Variants in ARHGEF28 observed in about 807,000 individuals in gnomAD.
ARHGEF28 encodes the protein Rho guanine nucleotide exchange factor 28.
Under a neutral mutation model 206.6 loss-of-function variants are expected in ARHGEF28, and 152 were observed. That is an observed-to-expected ratio of 0.74 (90% confidence interval 0.64 to 0.84). The LOEUF (loss-of-function observed/expected upper bound fraction) is 0.84, where lower values mean the gene tolerates loss of function less well. Among genes scored for constraint, ARHGEF28 ranks in the 40% least tolerant of loss-of-function variants. ARHGEF28 has a pLI of 0.00. For missense variants in ARHGEF28, 2,028 were observed against 2,073.2 expected (o/e 0.98, Z 0.42); for synonymous variants, 763 against 776.4 (o/e 0.98, Z 0.29).
intron 7 of ARHGEF28, 44 bp from the exon 8 acceptor site, chr5:73,794,358 C>G (rs1334956060): frequency 6.6e-7 from 1 of 1,509,642 alleles, no homozygotes; most frequent in Non-Finnish European, 9.0e-7. Context: ...TTCTTCTTAA[C>G]AAAAGCTCCC....
intron 2 of ARHGEF28, among the ~76,000 whole-genome samples, chr5:73,746,677 T>C (rs1751737533): frequency 1.3e-5 from 2 of 152,138 alleles, no homozygotes; most frequent in South Asian, 4.1e-4. Flanking sequence ...ATGTTTTTGC[T>C]CCTAATGGAT....
intron 35 of ARHGEF28, among the ~76,000 whole-genome samples, chr5:73,922,139 C>T (rs1763553615): frequency 6.6e-6 from 1 of 152,234 alleles, no homozygotes; most frequent in African/African-American, 2.4e-5. Flanking sequence ...TTCCATTTCT[C>T]AAAGACTGTT....
chr5:73,764,251 G>A (rs536090175), intron 4 of ARHGEF28, among the ~76,000 whole-genome samples: 1 of 152,132 alleles, frequency 6.6e-6, no homozygotes, highest in African/African-American at 2.4e-5. Context: ...TGAATCCTTG[G>A]TCTCCCCATC....
At chr5:73,910,350 C>A (rs1054922283) in intron 34 of ARHGEF28, among the ~76,000 whole-genome samples, 7 of 135,514 alleles carry the variant, frequency 5.2e-5, no homozygotes, top group Non-Finnish European at 9.1e-5. Flanking sequence ...CATTGCACTC[C>A]AGCCTGGGTG....
Position 73,901,133 on chromosome 5 carries a change from C to G in ARHGEF28, c.3974-51C>G. Reference sequence around the variant, plus strand: ...TGTACAGAAGAACCCGGTGGGCTGGCCGATGTTTGACGCTGTCCTTTTTGT... The same window carrying G: ...TGTACAGAAGAACCCGGTGGGCTGGGCGATGTTTGACGCTGTCCTTTTTGT... On this transcript the variant is annotated intron_variant, in intron 30 of 35. Coordinates refer to ENST00000513042, the MANE Select transcript of ARHGEF28 (RefSeq NM_001177693.2). The G allele has an allele frequency of 5.3e-6, 8 of 1,503,684 alleles. No individual in the cohort carries two copies. The South Asian group carries it at 9.4e-5, about 18-fold the overall frequency. 93.1% of individuals were successfully genotyped at this position (1,503,684 alleles called of 1,614,324 possible).
intron 7 of ARHGEF28, among the ~76,000 whole-genome samples, chr5:73,787,718 T>C (rs557914913): frequency 1.3e-5 from 2 of 152,330 alleles, no homozygotes; most frequent in East Asian, 3.9e-4. Flanking sequence ...TCATACTCTT[T>C]TTTATGGCTG....
chr5:73,696,479 C>G (rs1748224440), intron 2 of ARHGEF28, among the ~76,000 whole-genome samples: 1 of 152,136 alleles, frequency 6.6e-6, no homozygotes, highest in African/African-American at 2.4e-5. Flanking sequence ...ATGTCACATC[C>G]TTAATATAGT....
chr5:73,696,914 T>G (rs576110824), intron 2 of ARHGEF28, among the ~76,000 whole-genome samples: 1 of 152,328 alleles, frequency 6.6e-6, no homozygotes, highest in African/African-American at 2.4e-5. Flanking sequence ...ATCACTATTT[T>G]GGGACTGGGA....
At chr5:73,868,059 G>C in intron 19 of ARHGEF28, 39 bp downstream of exon 19, 1 of 1,613,284 alleles carries the variant, frequency 6.2e-7, no homozygotes, top group Non-Finnish European at 8.5e-7. Context: ...ATGGCTCAGA[G>C]AGCTTCTGGG....
intron 4 of ARHGEF28, among the ~76,000 whole-genome samples, chr5:73,763,903 TC>T (rs2112428012): frequency 6.6e-6 from 1 of 152,342 alleles, no homozygotes; most frequent in South Asian, 2.1e-4. Context: ...GGCAGCTAGT[TC>T]CTTACAATTA....
intron 2 of ARHGEF28, among the ~76,000 whole-genome samples, chr5:73,717,745 T>C (rs1230127221): frequency 1.3e-5 from 2 of 152,208 alleles, no homozygotes; most frequent in Non-Finnish European, 2.9e-5. Flanking sequence ...ATGATGATAG[T>C]GTATAAGCCT....
rs1761848510 is a variant in ARHGEF28, at chr5:73,894,563, G to A, written c.3829G>A (p.Ala1277Thr). The part of the protein sequence containing the change: ...PPQAASLLAA[A>T]LKEAESLQVA... ...CCAGGCAGCCTCATTACTGGCAGCA[G>A]CACTGAAAGAAGGTAAACTGCTGTG... Residue 1277 changes from alanine to threonine, a missense_variant, in exon 29 of 36, where the codon GCA (alanine) becomes ACA (threonine). By Grantham distance (58) the Ala-to-Thr change is moderately conservative. Around this residue, in one of 3 missense-constraint regions of ARHGEF28, gnomAD observed 803 missense variants for 768.0 expected, o/e 1.05. Transcript: ENST00000513042. 2 of 1,613,322 alleles carry A rather than the reference G, an allele frequency of 1.2e-6. No homozygotes were observed. Among genetic ancestry groups the A allele is most frequent in the Non-Finnish European group, 8.5e-7 (1 of 1,179,764 alleles).
intron 4 of ARHGEF28, among the ~76,000 whole-genome samples, chr5:73,759,764 T>G (rs1346224530): frequency 1.3e-5 from 2 of 152,202 alleles, no homozygotes; most frequent in Non-Finnish European, 2.9e-5. Flanking sequence ...ACATAGGAAT[T>G]AACAGTTCAT....
chr5:73,845,623 A>G (rs1406271602), intron 11 of ARHGEF28, among the ~76,000 whole-genome samples: 1 of 152,172 alleles, frequency 6.6e-6, no homozygotes, highest in Non-Finnish European at 1.5e-5. Flanking sequence ...GACTTGCGAT[A>G]TCAATAATTA....
At chr5:73,830,843 T>C (rs1231497216) in intron 9 of ARHGEF28, among the ~76,000 whole-genome samples, 1 of 152,178 alleles carries the variant, frequency 6.6e-6, no homozygotes, top group Non-Finnish European at 1.5e-5. Context: ...CCCCATGGGC[T>C]TATCAGGTTT....
chr5:73,852,999 C>T lies in ARHGEF28; in HGVS notation c.1790+307C>T, dbSNP rs60645379. On this transcript the variant is annotated intron_variant, in intron 14 of 35. Coordinates refer to ENST00000513042, the MANE Select transcript of ARHGEF28 (RefSeq NM_001177693.2). ...GTTTTAGAAAGACAACATGTTTTCT[C>T]CAGCTCTATTCCACCATGACAAGGG... Among the ~76,000 whole-genome samples the T allele has an allele frequency of 0.14, 20,590 of 152,226 alleles. 1,981 individuals carry two copies. The highest frequency in any genetic ancestry group is 0.26 in the African/African-American group (10,624 of 41,498).
At chr5:73,802,448 A>G (rs1418514984) in intron 9 of ARHGEF28, among the ~76,000 whole-genome samples, 3 of 152,162 alleles carry the variant, frequency 2.0e-5, no homozygotes, top group African/African-American at 7.2e-5. Context: ...AACTTTCTGA[A>G]GTGTAACAAG....
intron 2 of ARHGEF28, among the ~76,000 whole-genome samples, chr5:73,695,837 T>C (rs1723354149): frequency 6.6e-6 from 1 of 152,214 alleles, no homozygotes; most frequent in Non-Finnish European, 1.5e-5. Flanking sequence ...ATTATTTCCC[T>C]ACATTCATCT....
intron 9 of ARHGEF28, among the ~76,000 whole-genome samples, chr5:73,824,558 C>G (rs758065811): frequency 7.2e-5 from 11 of 152,074 alleles, no homozygotes; most frequent in Middle Eastern, 6.8e-3. Flanking sequence ...CAACCTCTGC[C>G]TCCCAGGTCA....
Sources: gnomAD v4.1 joint callset for allele counts (sites outside exome capture counted in the v4.1 genomes callset) on GRCh38, gnomAD v4.1.1 for gene constraint, gnomAD v4.1.1 regional missense constraint, MANE v1.5 for transcripts, NCBI Gene and HGNC (gene_info 2026-07-23, HGNC 2026-07-21) for gene names.